DYNC1LI2: variants seen among roughly 807,000 people sequenced by gnomAD.
The protein encoded by DYNC1LI2 is cytoplasmic dynein 1 light intermediate chain 2.
Under a neutral mutation model 57.8 loss-of-function variants are expected in DYNC1LI2, and 19 were observed. That is an observed-to-expected ratio of 0.33 (90% CI 0.23 to 0.48). DYNC1LI2 has a LOEUF of 0.48. Ranked by LOEUF, DYNC1LI2 falls within the 20% of genes least tolerant of loss-of-function variation. The pLI is 0.99. For missense variants in DYNC1LI2, 470 were observed against 604.2 expected (o/e 0.78, Z 2.33); for synonymous variants, 256 against 233.4 (o/e 1.10, Z -0.88).
chr16:66,722,476 T>C lies in DYNC1LI2; in HGVS notation c.*1246A>G, dbSNP rs2017465142. ...TGGTGGTATAACATGACAATGTGCATGAATTTGCCCTAGGTGGGGAGACAC... is the reference window on the plus strand; with the variant it reads ...TGGTGGTATAACATGACAATGTGCACGAATTTGCCCTAGGTGGGGAGACAC... On this transcript the variant is annotated 3_prime_UTR_variant, in exon 13 of 13. Transcript: ENST00000258198. 1 of 152,614 alleles carries C rather than the reference T, an allele frequency of 6.6e-6. No homozygotes were observed. Among genetic ancestry groups the C allele is most frequent in the Non-Finnish European group, 1.5e-5 (1 of 68,040 alleles). The allele number at this position is 152,614 out of a possible 1,614,324, so 9.5% of individuals were successfully genotyped here.
At chr16:66,732,553 C>T in intron 6 of DYNC1LI2, 79 bp from the exon 7 acceptor site, 8 of 1,466,950 alleles carry the variant, frequency 5.5e-6, no homozygotes, top group Non-Finnish European at 7.2e-6. Context: ...AAGTACTACT[C>T]ATAGGTTGAT....
At position 66,751,455 on chromosome 16, in the gene DYNC1LI2, A is replaced by ACGGCC. The variant is rs1466818092; in HGVS notation, c.107+25_107+29dup. ...GTCCGGCCCAGAGGCCGCGCCCCCCACGGCCCGGCCCGACCGCCCGCGGCC... is the reference window on the plus strand; with the variant it reads ...GTCCGGCCCAGAGGCCGCGCCCCCCACGGCCCGGCCCGGCCCGACCGCCCGCGGCC... On this transcript the variant is annotated intron_variant, in intron 1 of 12. Transcript: ENST00000258198. The surrounding 1 kb of genome is among the most constrained non-coding windows in gnomAD (Gnocchi z 5.2). 5.1e-6 allele frequency: 8 copies of ACGGCC among 1,577,996 alleles called. No homozygotes were observed. The highest frequency in any genetic ancestry group is 2.3e-5 in the South Asian group (2 of 88,080).
At chr16:66,747,698 T>C (rs2017962660) in intron 3 of DYNC1LI2, among the ~76,000 whole-genome samples, 1 of 150,826 alleles carries the variant, frequency 6.6e-6, no homozygotes, top group South Asian at 2.1e-4. Flanking sequence ...GCCTCCAGAG[T>C]AGCTGGGGCT....
At chr16:66,747,172 A>C (rs1481219145) in intron 3 of DYNC1LI2, among the ~76,000 whole-genome samples, 1 of 149,854 alleles carries the variant, frequency 6.7e-6, no homozygotes, top group Non-Finnish European at 1.5e-5. Context: ...TCTGCCTCCC[A>C]GGTTGAAGCG....
intron 9 of DYNC1LI2, 52 bp downstream of exon 9, chr16:66,728,988 T>C (rs374301749): frequency 1.1e-5 from 18 of 1,596,048 alleles, no homozygotes; most frequent in Non-Finnish European, 1.5e-5. Context: ...CCCTAGGGAC[T>C]GGCATTTCAT....
chr16:66,736,074 C>A lies in DYNC1LI2; in HGVS notation c.699+1G>T. On this transcript the variant is annotated splice_donor_variant, in intron 5 of 12. Transcript: ENST00000258198. LOFTEE classifies it high-confidence loss of function. ...CAAGCCAACAACCCCCTGGCACACA[C>A]CTTTGTGCACACCACCAACACCGGG... 1 of 1,613,912 alleles carries A rather than the reference C, an allele frequency of 6.2e-7. No homozygotes were observed. Among genetic ancestry groups the A allele is most frequent in the Non-Finnish European group, 8.5e-7 (1 of 1,179,884 alleles).
intron 5 of DYNC1LI2, 50 bp from the exon 6 acceptor site, chr16:66,734,361 G>A (rs376422514): frequency 1.2e-5 from 19 of 1,543,960 alleles, no homozygotes; most frequent in South Asian, 3.4e-5. Context: ...GCCTGCTGAC[G>A]ATGGGAACAC....
chr16:66,728,323 A>C (rs2017572710), intron 9 of DYNC1LI2, 81 bp from the exon 10 acceptor site: 1 of 1,517,606 alleles, frequency 6.6e-7, no homozygotes, highest in Non-Finnish European at 9.1e-7. Flanking sequence ...TACTCCAAGT[A>C]CTCCACTAGA....
At chr16:66,741,418 A>G (rs2144997512) in intron 4 of DYNC1LI2, among the ~76,000 whole-genome samples, 1 of 152,346 alleles carries the variant, frequency 6.6e-6, no homozygotes, top group South Asian at 2.1e-4. Flanking sequence ...AAATATACAC[A>G]TGCACAACAA....
chr16:66,739,806 G>A (rs1348974303), intron 4 of DYNC1LI2, among the ~76,000 whole-genome samples: 1 of 152,226 alleles, frequency 6.6e-6, no homozygotes, highest in African/African-American at 2.4e-5. Flanking sequence ...TTAAAAAGAG[G>A]AAGGACCATG....
At chr16:66,741,689 G>A (rs1176145283) in intron 4 of DYNC1LI2, among the ~76,000 whole-genome samples, 2 of 151,976 alleles carry the variant, frequency 1.3e-5, no homozygotes, top group South Asian at 2.1e-4. Flanking sequence ...TGCTGCTGCT[G>A]CCATGGCTCC....
At position 66,734,263 on chromosome 16, in the gene DYNC1LI2, G is replaced by C; in HGVS notation, c.748C>G (p.His250Asp). The change falls in exon 6 of 13, where the codon CAT (histidine) becomes GAT (aspartate). Residue 250 changes from histidine (H) to aspartate (D), a missense_variant. Transcript: ENST00000258198. The part of the protein sequence containing the change: ...LEKEHDYRDE[H>D]LDFIQSHLRR... Reference sequence around the variant, plus strand: ...AGGTGTGACTGGATAAAGTCCAAATGCTCATCCCTGTAATCGTGCTCCTTC... The same window carrying C: ...AGGTGTGACTGGATAAAGTCCAAATCCTCATCCCTGTAATCGTGCTCCTTC... The C allele has an allele frequency of 6.2e-7, 1 of 1,614,108 alleles. No individual in the cohort carries two copies. The highest frequency in any genetic ancestry group is 8.5e-7 in the Non-Finnish European group (1 of 1,180,012).
At chr16:66,749,593 C>T (rs1175440483) in intron 2 of DYNC1LI2, among the ~76,000 whole-genome samples, 1 of 152,110 alleles carries the variant, frequency 6.6e-6, no homozygotes, top group Non-Finnish European at 1.5e-5. Context: ...CAGGCCCTAT[C>T]TATAATTTAT....
In DYNC1LI2 at chr16:66,736,261, A is replaced by C. The variant is rs765845500; in HGVS notation, c.530-17T>G. 15 of 1,606,106 alleles carry C rather than the reference A, an allele frequency of 9.3e-6. No individual in the cohort carries two copies. In the Admixed American group the frequency reaches 2.0e-4, roughly 22 times the overall value. On this transcript the variant is annotated splice_polypyrimidine_tract_variant and intron_variant, in intron 4 of 12. Coordinates refer to ENST00000258198, the MANE Select transcript of DYNC1LI2 (RefSeq NM_006141.3). Reference sequence around the variant, plus strand: ...CTTTCACAACTGGGGGAAAAAGAGGAAAAAAAATCACATGCACATAAATAA... The same window carrying C: ...CTTTCACAACTGGGGGAAAAAGAGGCAAAAAAATCACATGCACATAAATAA...
intron 4 of DYNC1LI2, 110 bp from the exon 5 acceptor site, chr16:66,736,354 GTGACAAACTTCTTAGTCACATCCAAC>G (rs1308191797): frequency 7.7e-7 from 1 of 1,306,274 alleles, no homozygotes; most frequent in East Asian, 2.4e-5. Context: ...GCAGTTGTGT[GTGACAAACTTCTTAGTCACATCCAAC>G]TGCAAAATCA....
At chr16:66,724,887 T>TA (rs997403791) in intron 12 of DYNC1LI2, 6 of 152,092 alleles carry the variant, frequency 3.9e-5, no homozygotes, top group Non-Finnish European at 7.3e-5. Context: ...AGTATAATTT[T>TA]AAAAAATTAA....
rs374789276 is a variant in DYNC1LI2, at chr16:66,721,532, C to T, written c.*2190G>A. 7.9e-5 allele frequency: 12 copies of T among 152,652 alleles called. No homozygotes were observed. The East Asian group carries it at 2.1e-3, about 27-fold the overall frequency. The allele number at this position is 152,652 out of a possible 1,614,324, so 9.5% of individuals were successfully genotyped here. On this transcript the variant is annotated 3_prime_UTR_variant, in exon 13 of 13. Coordinates refer to ENST00000258198, the MANE Select transcript of DYNC1LI2 (RefSeq NM_006141.3). ...CCCCAAAATAACAAAACTCATCTCC[C>T]TTCCTCCCACCTCCCAAAAAGAACC...
rs1389201199 is a variant in DYNC1LI2, at chr16:66,722,492, G to A, written c.*1230C>T. ...CAATGTGCATGAATTTGCCCTAGGT[G>A]GGGAGACACCTGAAACTCTTATTTC... On this transcript the variant is annotated 3_prime_UTR_variant, in exon 13 of 13. Coordinates refer to ENST00000258198, the MANE Select transcript of DYNC1LI2 (RefSeq NM_006141.3). The A allele has an allele frequency of 1.3e-5, 2 of 152,568 alleles. No individual in the cohort carries two copies. The highest frequency in any genetic ancestry group is 2.9e-5 in the Non-Finnish European group (2 of 68,036). The allele number at this position is 152,568 out of a possible 1,614,324, so 9.5% of individuals were successfully genotyped here.
Position 66,723,773 on chromosome 16 carries a change from A to G in DYNC1LI2, c.1428T>C (p.Thr476=). ...SNVQEELDRM[T]RKPDSMVTNS... is the part of the protein sequence containing the mutation. ...TTGTTACCATAGAGTCTGGCTTTCG[A>G]GTCATTCTATCCAGTTCTTCCTGAA... The change falls in exon 13 of 13, where the codon ACT becomes ACC. Residue 476 remains threonine, a synonymous_variant. Coordinates refer to ENST00000258198, the MANE Select transcript of DYNC1LI2 (RefSeq NM_006141.3). The G allele has an allele frequency of 6.2e-7, 1 of 1,609,994 alleles. No homozygotes were observed. The highest frequency in any genetic ancestry group is 1.1e-5 in the South Asian group (1 of 89,972).
Sources: gnomAD v4.1 joint callset for allele counts (sites outside exome capture counted in the v4.1 genomes callset) on GRCh38, gnomAD v4.1.1 for gene constraint, Gnocchi (gnomAD v3.1) non-coding constraint, MANE v1.5 for transcripts, NCBI Gene and HGNC (gene_info 2026-07-23, HGNC 2026-07-21) for gene names.